AFF3: variants seen among roughly 807,000 people sequenced by gnomAD.
AFF3 encodes AF4/FMR2 family member 3.
In AFF3, 32 loss-of-function variants were observed where a neutral mutation model predicts 129.7. The observed-to-expected ratio is 0.25, with a 90% CI of 0.19 to 0.33. The LOEUF (loss-of-function observed/expected upper bound fraction) is 0.33, where lower values mean the gene tolerates loss of function less well. Among genes scored for constraint, AFF3 ranks in the 10% least tolerant of loss-of-function variants. The pLI is 1.00. For missense variants in AFF3, 1,373 were observed against 1,592.0 expected (o/e 0.86, Z 2.34); for synonymous variants, 644 against 635.4 (o/e 1.01, Z -0.20).
intron 8 of AFF3, among the ~76,000 whole-genome samples, chr2:99,817,541 T>C (rs1687338142): frequency 6.6e-6 from 1 of 152,212 alleles, no homozygotes; most frequent in Non-Finnish European, 1.5e-5. Context: ...AGTTGAAATA[T>C]TGCTGAGTTT....
chr2:100,021,226 C>T (rs971053338), intron 4 of AFF3, among the ~76,000 whole-genome samples: 11 of 152,266 alleles, frequency 7.2e-5, no homozygotes, highest in African/African-American at 2.4e-4. Flanking sequence ...CTTTATTAAA[C>T]CATACCATAA....
chr2:99,659,295 C>G (rs1236839151), intron 12 of AFF3, among the ~76,000 whole-genome samples: 10 of 152,190 alleles, frequency 6.6e-5, no homozygotes, highest in Non-Finnish European at 1.5e-5. Context: ...TCTGGATGTG[C>G]ACACATGCAT....
intron 1 of AFF3, among the ~76,000 whole-genome samples, chr2:100,137,430 G>A (rs1191280606): frequency 6.6e-6 from 1 of 152,224 alleles, no homozygotes; most frequent in Non-Finnish European, 1.5e-5. Flanking sequence ...CCCAGGCAAA[G>A]TTGTAACACA....
chr2:99,619,306 G>A (rs1202227954), intron 13 of AFF3, among the ~76,000 whole-genome samples: 2 of 152,208 alleles, frequency 1.3e-5, no homozygotes, highest in African/African-American at 2.4e-5. Flanking sequence ...AGGATGATGA[G>A]CGAAAAAGAT....
At chr2:99,620,686 A>C (rs1440175845) in intron 13 of AFF3, among the ~76,000 whole-genome samples, 8 of 151,854 alleles carry the variant, frequency 5.3e-5, no homozygotes, top group African/African-American at 1.5e-4. Flanking sequence ...TGTCCTGTCC[A>C]AATCACATAA....
In AFF3 at chr2:99,572,699, G is replaced by A. The variant is rs532774659; in HGVS notation, c.2919-3784C>T. 4 of 452,894 alleles carry A rather than the reference G, an allele frequency of 8.8e-6. No individual in the cohort carries two copies. The East Asian group carries it at 2.1e-4, about 24-fold the overall frequency. 28.1% of individuals were successfully genotyped at this position (452,894 alleles called of 1,614,324 possible). A position where few individuals can be genotyped will look rare whatever the true frequency, so the allele number is the denominator to read the frequency against. Reference sequence around the variant, plus strand: ...AGCTTGTCATCTGATAAGCCCCAGAGGTGTTAATATGTCCCAAGCTTTGAG... The same window carrying A: ...AGCTTGTCATCTGATAAGCCCCAGAAGTGTTAATATGTCCCAAGCTTTGAG... On this transcript the variant is annotated intron_variant, in intron 18 of 24. Transcript: ENST00000672756.
intron 14 of AFF3, among the ~76,000 whole-genome samples, chr2:99,600,184 G>A (rs1221221141): frequency 6.6e-6 from 1 of 152,182 alleles, no homozygotes; most frequent in East Asian, 1.9e-4. Context: ...CAGATGGAGA[G>A]GCAGAGACTG....
At position 99,808,482 on chromosome 2, in the gene AFF3, A is replaced by G. The variant is rs139238364; in HGVS notation, c.921+28995T>C. On this transcript the variant is annotated intron_variant, in intron 8 of 24. Coordinates refer to ENST00000672756, the MANE Select transcript of AFF3 (RefSeq NM_001386135.1). ...ACTCTATTTGTCTCTGTATGAAAAT[A>G]CAGAGTGATGAACAAGAAAACTAGT... Among the ~76,000 whole-genome samples, 1,226 of 152,316 alleles carry G rather than the reference A, an allele frequency of 8.0e-3. 18 individuals are homozygous for G. The highest frequency in any genetic ancestry group is 0.027 in the Middle Eastern group (8 of 294).
chr2:99,685,985 G>C (rs931735840), intron 11 of AFF3, among the ~76,000 whole-genome samples: 3 of 151,946 alleles, frequency 2.0e-5, no homozygotes, highest in Non-Finnish European at 4.4e-5. Flanking sequence ...TCAGGAGATC[G>C]AGACCATCCT....
At chr2:99,804,903 T>G (rs1402265343) in intron 8 of AFF3, among the ~76,000 whole-genome samples, 2 of 151,516 alleles carry the variant, frequency 1.3e-5, no homozygotes, top group African/African-American at 4.9e-5. Flanking sequence ...GTATACAGAG[T>G]GGGAAAATGG....
intron 7 of AFF3, among the ~76,000 whole-genome samples, chr2:99,873,912 C>T (rs898405723): frequency 2.6e-5 from 4 of 152,006 alleles, no homozygotes; most frequent in East Asian, 1.9e-4. Flanking sequence ...CGGTGGCTCA[C>T]GCCTGTAATC....
chr2:100,077,259 C>A (rs1559109145), intron 4 of AFF3, among the ~76,000 whole-genome samples: 2 of 152,024 alleles, frequency 1.3e-5, no homozygotes. Flanking sequence ...GAAAATAAAA[C>A]AATTAAAATT....
intron 7 of AFF3, among the ~76,000 whole-genome samples, chr2:99,879,321 T>C (rs1692525595): frequency 6.6e-6 from 1 of 152,216 alleles, no homozygotes; most frequent in Non-Finnish European, 1.5e-5. Flanking sequence ...CACATCCATC[T>C]TCCAGCTTAT....
At chr2:99,587,094 G>C in intron 16 of AFF3, 60 bp downstream of exon 16, 1 of 1,604,344 alleles carries the variant, frequency 6.2e-7, no homozygotes. Flanking sequence ...AACATAGCAG[G>C]TGACTTTCAG....
At chr2:99,775,041 A>T (rs574568783) in intron 8 of AFF3, among the ~76,000 whole-genome samples, 2 of 152,358 alleles carry the variant, frequency 1.3e-5, no homozygotes, top group South Asian at 4.1e-4. Context: ...CCACAATGAG[A>T]TATCATCTCA....
intron 7 of AFF3, among the ~76,000 whole-genome samples, chr2:99,853,838 A>G (rs1690324842): frequency 6.6e-6 from 1 of 152,216 alleles, no homozygotes; most frequent in African/African-American, 2.4e-5. Context: ...AAAACATTGT[A>G]ATTTTTTAAA....
At chr2:99,612,449 G>A (rs964426903) in intron 13 of AFF3, among the ~76,000 whole-genome samples, 1 of 152,218 alleles carries the variant, frequency 6.6e-6, no homozygotes, top group African/African-American at 2.4e-5. Flanking sequence ...AAAAGGACAT[G>A]TTACCAAGAA....
chr2:100,045,229 C>T (rs1685738834), intron 4 of AFF3, among the ~76,000 whole-genome samples: 1 of 152,122 alleles, frequency 6.6e-6, no homozygotes, highest in South Asian at 2.1e-4. Flanking sequence ...ACGGTGAGGT[C>T]ACTCAGAAGA....
intron 12 of AFF3, among the ~76,000 whole-genome samples, chr2:99,661,555 A>G (rs2104319258): frequency 6.6e-6 from 1 of 152,330 alleles, no homozygotes; most frequent in Admixed American, 6.5e-5. Flanking sequence ...CCCATGGCCC[A>G]GGCTGGTTGG....
Sources: gnomAD v4.1 joint callset for allele counts (sites outside exome capture counted in the v4.1 genomes callset) on GRCh38, gnomAD v4.1.1 for gene constraint, MANE v1.5 for transcripts, NCBI Gene and HGNC (gene_info 2026-07-23, HGNC 2026-07-21) for gene names.